Variants in MYO9A observed in about 807,000 individuals in gnomAD.
MYO9A encodes the protein myosin IXA.
Under a neutral mutation model 293.3 loss-of-function variants are expected in MYO9A, and 103 were observed. The ratio of observed to expected loss-of-function variants is 0.35; its 90% CI spans 0.30 to 0.41. The LOEUF is 0.41. Among genes scored for constraint, MYO9A ranks in the 10% least tolerant of loss-of-function variants. The probability of loss-of-function intolerance (pLI) is 1.00; values close to 1 mark genes in which losing one functional copy is unlikely to be tolerated. For synonymous variants in MYO9A, 1,001 were observed against 1,035.7 expected (o/e 0.97, Z 0.64); for missense variants, 2,685 against 3,033.0 (o/e 0.89, Z 2.69).
At chr15:72,023,507 A>G (rs530887399) in intron 4 of MYO9A, among the ~76,000 whole-genome samples, 43 of 152,264 alleles carry the variant, frequency 2.8e-4, no homozygotes, top group African/African-American at 1.0e-3. Context: ...AGCCTGGCCA[A>G]CATGGTGAAA....
At chr15:71,871,577 G>A (rs1239017129) in intron 32 of MYO9A, among the ~76,000 whole-genome samples, 1 of 151,618 alleles carries the variant, frequency 6.6e-6, no homozygotes, top group Non-Finnish European at 1.5e-5. Context: ...CACTACTTGG[G>A]ATGCTGAGGT....
intron 13 of MYO9A, among the ~76,000 whole-genome samples, chr15:71,961,259 G>A (rs1204172241): frequency 6.6e-6 from 1 of 152,134 alleles, no homozygotes; most frequent in Non-Finnish European, 1.5e-5. Context: ...ATTAATTAGG[G>A]TATGATGAGA....
At position 71,826,016 on chromosome 15, in the gene MYO9A, T is replaced by TG. The variant is rs2054480009; in HGVS notation, c.*563_*564insC. ...TTTTGTTTTTTTTTTTTTGTTTTTT[T>TG]TTTTTGTTTTTGCTTTCCCCAGAAT... On this transcript the variant is annotated 3_prime_UTR_variant, in exon 42 of 42. Transcript: ENST00000356056. The TG allele has an allele frequency of 7.2e-6, 1 of 139,464 alleles. No homozygotes were observed. The highest frequency in any genetic ancestry group is 2.7e-5 in the African/African-American group (1 of 36,694). 8.6% of individuals were successfully genotyped at this position (139,464 alleles called of 1,614,324 possible). A position where few individuals can be genotyped will look rare whatever the true frequency, so the allele number is the denominator to read the frequency against.
At chr15:71,994,029 G>T (rs2076623425) in intron 10 of MYO9A, among the ~76,000 whole-genome samples, 1 of 149,512 alleles carries the variant, frequency 6.7e-6, no homozygotes, top group Non-Finnish European at 1.5e-5. Flanking sequence ...GTAAGTAAAA[G>T]AATATTTGTT....
At chr15:71,966,826 T>C (rs1278536613) in intron 13 of MYO9A, among the ~76,000 whole-genome samples, 1 of 152,142 alleles carries the variant, frequency 6.6e-6, no homozygotes, top group East Asian at 1.9e-4. Flanking sequence ...AAAACACAAG[T>C]CGTATCCTCT....
intron 12 of MYO9A, among the ~76,000 whole-genome samples, chr15:71,973,318 G>A (rs775061646): frequency 2.0e-5 from 3 of 152,096 alleles, no homozygotes; most frequent in Non-Finnish European, 4.4e-5. Context: ...CAATTAATTT[G>A]CATAGTGTGA....
chr15:71,887,960 A>C, intron 27 of MYO9A, 44 bp downstream of exon 27: 1 of 1,138,922 alleles, frequency 8.8e-7, no homozygotes, highest in Non-Finnish European at 1.3e-6. Flanking sequence ...TCAGTTATCA[A>C]ATAAAATTAT....
At position 71,956,364 on chromosome 15, in the gene MYO9A, C is replaced by A. The variant is rs550576979; in HGVS notation, c.2182+3537G>T. On this transcript the variant is annotated intron_variant, in intron 14 of 41. Coordinates refer to ENST00000356056, the MANE Select transcript of MYO9A (RefSeq NM_006901.4). ...ATATATATATATAAAATACGCCCAG[C>A]GTGGTGGCTCACGCCTGTAATCCCA... Among the ~76,000 whole-genome samples, 526 of 89,034 alleles carry A rather than the reference C, an allele frequency of 5.9e-3. 5 individuals carry two copies. The highest frequency in any genetic ancestry group is 0.021 in the African/African-American group (503 of 24,518). 58.4% of individuals were successfully genotyped at this position (89,034 alleles called of 152,430 possible).
intron 11 of MYO9A, among the ~76,000 whole-genome samples, chr15:71,981,355 ACT>A (rs1275687278): frequency 6.6e-6 from 1 of 151,998 alleles, no homozygotes; most frequent in Non-Finnish European, 1.5e-5. Context: ...TCAGACTGAC[ACT>A]CTTTCTTCTT....
intron 1 of MYO9A, among the ~76,000 whole-genome samples, chr15:72,088,165 AT>A (rs971582428): frequency 1.5e-4 from 23 of 152,192 alleles, no homozygotes; most frequent in African/African-American, 4.8e-4. Context: ...AGGAAAATAA[AT>A]TTTTGTTTTT....
intron 39 of MYO9A, among the ~76,000 whole-genome samples, chr15:71,833,865 G>A (rs1595988744): frequency 6.6e-6 from 1 of 152,108 alleles, no homozygotes; most frequent in African/African-American, 2.4e-5. Context: ...ACCCATGTAA[G>A]CTCTGTCTAC....
intron 15 of MYO9A, chr15:71,950,182 T>G (rs959639986): frequency 6.6e-6 from 1 of 152,150 alleles, no homozygotes; most frequent in African/African-American, 2.4e-5. Context: ...ACGTGATACC[T>G]TTTTATAATT....
chr15:71,956,350 T>TATATATATATATATATATATATATATAA (rs1475961500), intron 14 of MYO9A, among the ~76,000 whole-genome samples: 6 of 121,160 alleles, frequency 5.0e-5, no homozygotes, highest in African/African-American at 2.0e-4. Context: ...TATATATATA[T>TATATATATATATATATATATATATATAA]AAAATACGCC....
chr15:71,879,503 A>G (rs1466488807), intron 30 of MYO9A, among the ~76,000 whole-genome samples: 1 of 152,212 alleles, frequency 6.6e-6, no homozygotes, highest in Admixed American at 6.5e-5. Context: ...GGAAAAAGCT[A>G]CTCAAGGAAA....
intron 17 of MYO9A, among the ~76,000 whole-genome samples, chr15:71,934,447 A>G (rs1398790547): frequency 1.3e-5 from 2 of 152,180 alleles, no homozygotes; most frequent in South Asian, 4.1e-4. Flanking sequence ...GGCTAGAGCA[A>G]GACCTACATA....
intron 40 of MYO9A, among the ~76,000 whole-genome samples, chr15:71,828,393 C>T (rs2054595221): frequency 6.6e-6 from 1 of 152,124 alleles, no homozygotes; most frequent in Non-Finnish European, 1.5e-5. Context: ...TCTTCTGGAC[C>T]TCAGCTTCCT....
intron 2 of MYO9A, among the ~76,000 whole-genome samples, chr15:72,037,935 G>A (rs59260677): frequency 6.8e-6 from 1 of 146,088 alleles, no homozygotes; most frequent in Admixed American, 6.9e-5. Flanking sequence ...TTTTCTCTGA[G>A]ACAGGGTCTC....
intron 14 of MYO9A, 125 bp downstream of exon 14, chr15:71,959,776 C>A: frequency 1.2e-6 from 1 of 823,160 alleles, no homozygotes; most frequent in Non-Finnish European, 1.9e-6. Flanking sequence ...AGATTGACTA[C>A]AGAAGCAGGA....
At chr15:72,110,196 G>A (rs2080728026) in intron 1 of MYO9A, among the ~76,000 whole-genome samples, 1 of 151,890 alleles carries the variant, frequency 6.6e-6, no homozygotes, top group African/African-American at 2.4e-5. Context: ...AGCACTTTGG[G>A]AGGCCGAGGC....
Sources: gnomAD v4.1 joint callset for allele counts (sites outside exome capture counted in the v4.1 genomes callset) on GRCh38, gnomAD v4.1.1 for gene constraint, MANE v1.5 for transcripts, NCBI Gene and HGNC (gene_info 2026-07-23, HGNC 2026-07-21) for gene names.